The following ETFB variants were observed in gnomAD, a reference collection of about 807,000 sequenced individuals.
ETFB encodes electron transfer flavoprotein subunit beta, also known as beta-ETF.
Under a neutral mutation model 25.6 loss-of-function variants are expected in ETFB, and 20 were observed. The observed-to-expected ratio is 0.78, with a 90% confidence interval of 0.55 to 1.14. The LOEUF is 1.14. Among genes scored for constraint, ETFB ranks in the 50% most tolerant of loss-of-function variants. The probability of loss-of-function intolerance (pLI) is 0.00; values close to 1 mark genes in which losing one functional copy is unlikely to be tolerated. For missense variants in ETFB, 286 were observed against 342.6 expected, an observed-to-expected ratio of 0.83 and a Z score of 1.30; for synonymous variants, 142 against 146.7, an observed-to-expected ratio of 0.97 and a Z score of 0.23.
intron 4 of ETFB, 142 bp from the exon 5 acceptor site, chr19:51,347,200 G>T: frequency 2.4e-6 from 2 of 829,880 alleles, no homozygotes; most frequent in Non-Finnish European, 3.9e-6. Context: ...ATGAGGTTTA[G>T]AATCGAGCTT....
rs1599837341 is a variant in ETFB, at chr19:51,345,268, G to T, written c.711C>A (p.Val237=). 6.2e-7 allele frequency: 1 copy of T among 1,614,210 alleles called. No homozygotes were observed. Among genetic ancestry groups the T allele is most frequent in the South Asian group, 1.1e-5 (1 of 91,080 alleles). The change falls in exon 6 of 6, where the codon GTC becomes GTA. Residue 237 remains valine, a synonymous_variant. Coordinates refer to ENST00000309244, the MANE Select transcript of ETFB (RefSeq NM_001985.3). ...CCAGGTCCTCAGTGGTCTCCACCTT[G>T]ACGCCGGCCGTGCGCTGGGGCGGGT... is the stretch of plus-strand genomic sequence containing the variant. The part of the protein sequence containing the change: ...VEDPPQRTAG[V]KVETTEDLVA...
chr19:51,354,361 G>GA (rs1433369022), intron 1 of ETFB, 53 bp from the exon 2 acceptor site: 2 of 1,605,244 alleles, frequency 1.2e-6, no homozygotes, highest in Non-Finnish European at 1.7e-6. Flanking sequence ...GCAAGAAGGT[G>GA]GGGGCCTCAG....
chr19:51,366,295 T>C lies in ETFB; in HGVS notation c.32A>G (p.Lys11Arg). 1 of 1,613,918 alleles carries C rather than the reference T, an allele frequency of 6.2e-7. No homozygotes were observed. Among genetic ancestry groups the C allele is most frequent in the Non-Finnish European group, 8.5e-7 (1 of 1,180,022 alleles). Residue 11 changes from lysine to arginine, a missense_variant, in exon 1 of 6, where the codon AAG (lysine) becomes AGG (arginine). Physicochemically the swap from Lys to Arg is conservative, Grantham distance 26 (BLOSUM62 2). Transcript: ENST00000309244. MAELRVLVAV[K>R]RVIDYAVKIR... ...CTTCACGGCGTAGTCGATGACCCTC[T>C]TGACAGCTACGAGCACGCGCAGCTC...
Position 51,354,274 on chromosome 19 carries a change from G to T in ETFB, c.92C>A (p.Thr31Lys). Reference protein sequence around the residue: ...RVKPDRTGVVTDGVKHSMNPF... With the variant: ...RVKPDRTGVVKDGVKHSMNPF... ...GTTCATGGAGTGCTTCACACCATCC[G>T]TGACCACACCGGTCCTGTCAGGCTT... The change falls in exon 2 of 6, where the codon ACG (threonine) becomes AAG (lysine). Residue 31 changes from threonine (T) to lysine (K), a missense_variant. By Grantham distance (78) the Thr-to-Lys change is moderately conservative. Coordinates refer to ENST00000309244, the MANE Select transcript of ETFB (RefSeq NM_001985.3). 1 of 1,614,164 alleles carries T rather than the reference G, an allele frequency of 6.2e-7. No individual in the cohort carries two copies. Among genetic ancestry groups the T allele is most frequent in the Non-Finnish European group, 8.5e-7 (1 of 1,180,030 alleles).
At position 51,363,039 on chromosome 19, in the gene ETFB, C is replaced by T. The variant is rs191569035; in HGVS notation, c.57+3231G>A. ...CAGTTAGGTTGGCTCCTTGAACTTT[C>T]ATCTCTAGCAAACATACTTTCCTCT... On this transcript the variant is annotated intron_variant, in intron 1 of 5. Coordinates refer to ENST00000309244, the MANE Select transcript of ETFB (RefSeq NM_001985.3). 4.3e-3 allele frequency among the ~76,000 whole-genome samples: 648 copies of T among 152,294 alleles called. 3 individuals are homozygous for T. The highest frequency in any genetic ancestry group is 0.014 in the African/African-American group (561 of 41,550).
chr19:51,360,684 C>T (rs573176063), intron 1 of ETFB, among the ~76,000 whole-genome samples: 3 of 152,222 alleles, frequency 2.0e-5, no homozygotes, highest in African/African-American at 4.8e-5. Flanking sequence ...CGTGTGCCCA[C>T]GGTGTTAGGA....
chr19:51,360,481 A>G (rs1412332171), intron 1 of ETFB, among the ~76,000 whole-genome samples: 1 of 152,152 alleles, frequency 6.6e-6, no homozygotes, highest in South Asian at 2.1e-4. Flanking sequence ...AGGGTTTTAT[A>G]TGCATTAACT....
intron 1 of ETFB, chr19:51,355,526 C>T (rs1459247898): frequency 2.0e-5 from 3 of 152,150 alleles, no homozygotes; most frequent in Non-Finnish European, 4.4e-5. Context: ...TTGTGGAAGT[C>T]GGTGTGGTGA....
At chr19:51,345,650 T>G in intron 5 of ETFB, 1 of 525,008 alleles carries the variant, frequency 1.9e-6, no homozygotes, top group Non-Finnish European at 3.5e-6. Context: ...TGCAACAGAG[T>G]GGCAAACCCA....
At chr19:51,354,387 A>G (rs986329798) in intron 1 of ETFB, 79 bp from the exon 2 acceptor site, 1 of 1,614,166 alleles carries the variant, frequency 6.2e-7, no homozygotes, top group Non-Finnish European at 8.5e-7. Context: ...ACCCTCTCCC[A>G]GGCTGGATGA....
chr19:51,357,481 T>C lies in ETFB; in HGVS notation c.58-3173A>G, dbSNP rs577255859. 1.9e-3 allele frequency among the ~76,000 whole-genome samples: 174 copies of C among 91,804 alleles called. 3 individuals carry two copies. The East Asian group carries it at 0.033, about 17-fold the overall frequency. 60.2% of individuals were successfully genotyped at this position (91,804 alleles called of 152,430 possible). A position where few individuals can be genotyped will look rare whatever the true frequency, so the allele number is the denominator to read the frequency against. On this transcript the variant is annotated intron_variant, in intron 1 of 5. Transcript: ENST00000309244. ...TCTTGGCCCACCACAATCCTTTTTT[T>C]CTTTCTTTCTTTTTTTTTTTTTTTT...
At position 51,366,375 on chromosome 19, in the gene ETFB, A is replaced by G. The variant is rs1234023758; in HGVS notation, c.-49T>C. ...GGTCAGCCCGCACCCTCAGCGGCTC[A>G]GTCCAGAAGCCCCACCACCCCCGCC... On this transcript the variant is annotated 5_prime_UTR_variant, in exon 1 of 6. Coordinates refer to ENST00000309244, the MANE Select transcript of ETFB (RefSeq NM_001985.3). The G allele has an allele frequency of 1.3e-6, 2 of 1,579,744 alleles. No homozygotes were observed. The highest frequency in any genetic ancestry group is 1.7e-6 in the Non-Finnish European group (2 of 1,158,952).
rs548465191 is a variant in ETFB at position 51,359,727 on chromosome 19, C to T, written c.58-5419G>A. On this transcript the variant is annotated intron_variant, in intron 1 of 5. Coordinates refer to ENST00000309244, the MANE Select transcript of ETFB (RefSeq NM_001985.3). Reference sequence around the variant, plus strand: ...CAATGGTAGGGCTGAAAAATGATAGCTTGTTTGTTTTTTAAATAATGATGG... The same window carrying T: ...CAATGGTAGGGCTGAAAAATGATAGTTTGTTTGTTTTTTAAATAATGATGG... Among the ~76,000 whole-genome samples the T allele has an allele frequency of 8.6e-4, 131 of 152,246 alleles. 1 individual carries two copies. Among genetic ancestry groups the T allele is most frequent in the Non-Finnish European group, 1.4e-3 (97 of 68,002 alleles).
At chr19:51,352,062 G>C (rs1048740087) in intron 3 of ETFB, among the ~76,000 whole-genome samples, 1 of 151,936 alleles carries the variant, frequency 6.6e-6, no homozygotes, top group Non-Finnish European at 1.5e-5. Context: ...GGTGGTGCCC[G>C]AGGGTCTCCT....
intron 1 of ETFB, among the ~76,000 whole-genome samples, chr19:51,363,940 G>A (rs1364581966): frequency 2.0e-5 from 3 of 152,158 alleles, no homozygotes; most frequent in Non-Finnish European, 4.4e-5. Context: ...GAGGGAAGTG[G>A]ACGGCTGAAG....
At chr19:51,359,884 G>A (rs1166593628) in intron 1 of ETFB, among the ~76,000 whole-genome samples, 2 of 151,868 alleles carry the variant, frequency 1.3e-5, no homozygotes, top group Non-Finnish European at 2.9e-5. Flanking sequence ...AGGTCATGGT[G>A]GCGTGCACCT....
intron 3 of ETFB, among the ~76,000 whole-genome samples, chr19:51,350,779 A>G (rs899136181): frequency 4.6e-5 from 7 of 152,278 alleles, no homozygotes; most frequent in African/African-American, 1.7e-4. Context: ...TCGGGTTGGC[A>G]AACCTTTTCT....
intron 1 of ETFB, chr19:51,357,041 T>C (rs1986096183): frequency 6.6e-6 from 1 of 152,114 alleles, no homozygotes. Flanking sequence ...AGATGCTTAA[T>C]TTAATCACAT....
At position 51,353,237 on chromosome 19, in the gene ETFB, C is replaced by T. The variant is rs1367066320; in HGVS notation, c.270G>A (p.Glu90=). Residue 90 remains glutamate (E), a synonymous_variant, in exon 3 of 6, where the codon GAG becomes GAA. Coordinates refer to ENST00000309244, the MANE Select transcript of ETFB (RefSeq NM_001985.3). ...AMGADRGIHV[E]VPPAEAERLG... is the part of the protein sequence containing the mutation. The stretch of plus-strand genomic sequence containing the variant: ...AGCGTTCTGCTTCTGCTGGGGGCAC[C>T]TCCACGTGGATACCTCGGTCTGCAC... The T allele has an allele frequency of 6.2e-7, 1 of 1,614,084 alleles. No homozygotes were observed. Among genetic ancestry groups the T allele is most frequent in the African/African-American group, 1.3e-5 (1 of 75,020 alleles).
Sources: gnomAD v4.1 joint callset for allele counts (sites outside exome capture counted in the v4.1 genomes callset) on GRCh38, gnomAD v4.1.1 for gene constraint, MANE v1.5 for transcripts, NCBI Gene and HGNC (gene_info 2026-07-23, HGNC 2026-07-21) for gene names.